The following MMP26 variants were observed in gnomAD, a reference collection of about 807,000 sequenced individuals.
MMP26 encodes matrix metalloproteinase-26.
Under a neutral mutation model 31.0 loss-of-function variants are expected in MMP26, and 33 were observed. That is an observed-to-expected ratio of 1.06 (90% CI 0.81 to 1.42). MMP26 has a LOEUF of 1.42. Ranked by LOEUF, MMP26 falls within the 40% of genes most tolerant of loss-of-function variation. The probability of loss-of-function intolerance (pLI) is 0.00; values close to 1 mark genes in which losing one functional copy is unlikely to be tolerated. For synonymous variants in MMP26, 122 were observed against 114.9 expected, an observed-to-expected ratio of 1.06 and a Z score of -0.40; for missense variants, 347 against 316.1, an observed-to-expected ratio of 1.10 and a Z score of -0.74.
intron 2 of MMP26, among the ~76,000 whole-genome samples, chr11:4,978,915 T>C (rs56121913): frequency 0.045 from 6,909 of 152,120 alleles, 525 homozygotes; most frequent in African/African-American, 0.16. Context: ...CTAAAGAAGT[T>C]ACGAGAATAA....
At chr11:4,860,705 A>G in intron 2 of MMP26, 1 of 321,592 alleles carries the variant, frequency 3.1e-6, no homozygotes, top group South Asian at 2.6e-5. Context: ...GTTAAAAAAC[A>G]TTTAGATGAT....
chr11:4,842,579 C>T (rs1048469760), intron 2 of MMP26, among the ~76,000 whole-genome samples: 4 of 152,186 alleles, frequency 2.6e-5, no homozygotes, highest in African/African-American at 7.2e-5. Context: ...ATCATGAGAA[C>T]AGCATGATTT....
intron 2 of MMP26, among the ~76,000 whole-genome samples, chr11:4,966,060 A>G (rs771524761): frequency 3.9e-5 from 6 of 152,188 alleles, no homozygotes; most frequent in Non-Finnish European, 7.4e-5. Context: ...GAGAAAAAAT[A>G]TGTACAGTAC....
At chr11:4,982,213 T>A (rs189343104) in intron 2 of MMP26, among the ~76,000 whole-genome samples, 2 of 152,226 alleles carry the variant, frequency 1.3e-5, no homozygotes, top group East Asian at 3.9e-4. Flanking sequence ...TTTATTATCT[T>A]TATCAGGAAT....
intron 2 of MMP26, among the ~76,000 whole-genome samples, chr11:4,810,234 T>C (rs1217621722): frequency 8.3e-6 from 1 of 120,460 alleles, no homozygotes; most frequent in African/African-American, 2.6e-5. Context: ...TGTATGCATG[T>C]ATTTTTTTTT....
intron 1 of MMP26, among the ~76,000 whole-genome samples, chr11:4,760,750 TC>T (rs1323421028): frequency 6.6e-6 from 1 of 152,154 alleles, no homozygotes; most frequent in Non-Finnish European, 1.5e-5. Context: ...ACTCTATCTC[TC>T]TGGTGTTGAG....
chr11:4,983,450 T>A (rs977255666), intron 2 of MMP26, among the ~76,000 whole-genome samples: 1 of 152,214 alleles, frequency 6.6e-6, no homozygotes, highest in Admixed American at 6.5e-5. Flanking sequence ...GCACCCACTC[T>A]TTACCTGAGT....
chr11:4,813,274 G>A (rs1023146057), intron 2 of MMP26, among the ~76,000 whole-genome samples: 3 of 152,028 alleles, frequency 2.0e-5, no homozygotes, highest in Non-Finnish European at 2.9e-5. Context: ...CCTAAAGATG[G>A]CCTTGTATTT....
chr11:4,934,672 A>T (rs377387726), intron 2 of MMP26, among the ~76,000 whole-genome samples: 15 of 143,800 alleles, frequency 1.0e-4, no homozygotes, highest in Non-Finnish European at 1.7e-4. Context: ...CTGAATGGTA[A>T]TGCCTAGGTT....
chr11:4,806,591 C>T (rs1316675665), intron 2 of MMP26, among the ~76,000 whole-genome samples: 2 of 152,062 alleles, frequency 1.3e-5, no homozygotes, highest in African/African-American at 2.4e-5. Context: ...CTTCCTCCAT[C>T]CCTTTATTTT....
chr11:4,714,942 A>T (rs1274468195), intron 1 of MMP26, among the ~76,000 whole-genome samples: 1 of 151,826 alleles, frequency 6.6e-6, no homozygotes, highest in Non-Finnish European at 1.5e-5. Flanking sequence ...ACACACACAC[A>T]CACACACACA....
Position 4,822,035 on chromosome 11 carries a change from T to A in MMP26, c.-145+54694T>A. ...AACAGCATCCTTGGTCTGTTTGCGC[T>A]TTTGTCCACTACAGGGTTTGACTGC... is the stretch of plus-strand genomic sequence containing the variant. On this transcript the variant is annotated intron_variant, in intron 2 of 7. Transcript: ENST00000380390. 1.9e-6 allele frequency: 3 copies of A among 1,613,982 alleles called. No homozygotes were observed. The South Asian group carries it at 3.3e-5, about 18-fold the overall frequency.
At position 4,889,651 on chromosome 11, in the gene MMP26, A is replaced by G. The variant is rs529313537; in HGVS notation, c.-144-98417A>G. 2.6e-5 allele frequency: 4 copies of G among 152,408 alleles called. No individual in the cohort carries two copies. The South Asian group carries it at 6.2e-4, about 24-fold the overall frequency. 9.4% of individuals were successfully genotyped at this position (152,408 alleles called of 1,614,324 possible). A position where few individuals can be genotyped will look rare whatever the true frequency, so the allele number is the denominator to read the frequency against. ...TTGCTGTGTCTTCACACAATATACA[A>G]TGGGATTCATAAGAGGTGGCACTAG... On this transcript the variant is annotated intron_variant, in intron 2 of 7. Transcript: ENST00000380390.
At chr11:4,884,951 A>G (rs1471708079) in intron 2 of MMP26, among the ~76,000 whole-genome samples, 2 of 152,120 alleles carry the variant, frequency 1.3e-5, no homozygotes, top group African/African-American at 4.8e-5. Context: ...AATGTAATTG[A>G]ATTCCAGAGG....
chr11:4,906,906 A>G (rs1850899006), intron 2 of MMP26, among the ~76,000 whole-genome samples: 1 of 152,072 alleles, frequency 6.6e-6, no homozygotes, highest in Non-Finnish European at 1.5e-5. Flanking sequence ...CCTGGCCAAC[A>G]TGGTGAAAAC....
At chr11:4,730,878 C>T (rs997980891) in intron 1 of MMP26, among the ~76,000 whole-genome samples, 12 of 152,134 alleles carry the variant, frequency 7.9e-5, no homozygotes, top group Non-Finnish European at 1.3e-4. Flanking sequence ...CCACAGCAAA[C>T]GAAAAATATT....
chr11:4,748,628 G>A lies in MMP26; in HGVS notation c.-216-18642G>A, dbSNP rs536511146. Among the ~76,000 whole-genome samples, 3 of 147,764 alleles carry A rather than the reference G, an allele frequency of 2.0e-5. No individual in the cohort carries two copies. In the East Asian group the frequency reaches 5.9e-4, roughly 29 times the overall value. Reference sequence around the variant, plus strand: ...AGCGGGTTTTATTCCACAGATTCAAGGATGTCGCAACGTAGGCAAATCAGT... The same window carrying A: ...AGCGGGTTTTATTCCACAGATTCAAAGATGTCGCAACGTAGGCAAATCAGT... On this transcript the variant is annotated intron_variant, in intron 1 of 7. Transcript: ENST00000380390.
chr11:4,774,078 C>A (rs1010395926), intron 2 of MMP26, among the ~76,000 whole-genome samples: 1 of 152,066 alleles, frequency 6.6e-6, no homozygotes, highest in South Asian at 2.1e-4. Context: ...CTTACTATTG[C>A]GAACAATGCT....
At chr11:4,918,899 A>G (rs1252023759) in intron 2 of MMP26, among the ~76,000 whole-genome samples, 2 of 152,216 alleles carry the variant, frequency 1.3e-5, no homozygotes, top group Admixed American at 1.3e-4. Flanking sequence ...TCTTGGAAAT[A>G]ACTCCTATTC....
Sources: allele counts gnomAD v4.1 joint callset (sites outside exome capture counted in the v4.1 genomes callset), GRCh38; gene constraint gnomAD v4.1.1; transcripts MANE v1.5; gene names NCBI Gene and HGNC (gene_info 2026-07-23, HGNC 2026-07-21).